The following CBLL1 variants were observed in gnomAD, a reference collection of about 807,000 sequenced individuals.
CBLL1 encodes Cbl proto-oncogene like 1, also known as E3 ubiquitin-protein ligase Hakai.
In CBLL1, 4 loss-of-function variants were observed where a neutral mutation model predicts 44.9. That is an observed-to-expected ratio of 0.09 (90% CI 0.04 to 0.20). CBLL1 has a LOEUF of 0.20. Among genes scored for constraint, CBLL1 ranks in the 10% least tolerant of loss-of-function variants. The pLI, the probability that CBLL1 is intolerant of heterozygous loss-of-function variation, is 1.00. For missense variants in CBLL1, 569 were observed against 636.7 expected (o/e 0.89, Z 1.14); for synonymous variants, 235 against 202.2 (o/e 1.16, Z -1.38).
In CBLL1 at chr7:107,758,400, C is replaced by T. The variant is rs140545696; in HGVS notation, c.698C>T (p.Pro233Leu). The stretch of plus-strand genomic sequence containing the variant: ...GACAAGCACCATATGAGCCATATTC[C>T]GCCAAAGCAGCACATCATGATGCCA... ...PPDKHHMSHI[P>L]PKQHIMMPPP... Residue 233 changes from proline (P) to leucine (L), a missense_variant, in exon 6 of 6, where the codon CCG (proline) becomes CTG (leucine). Pro to Leu is a moderately conservative substitution (Grantham distance 98). Coordinates refer to ENST00000440859, the MANE Select transcript of CBLL1 (RefSeq NM_024814.4). The surrounding 1 kb of genome is among the most constrained non-coding windows in gnomAD (Gnocchi z 4.2). 18 of 1,614,052 alleles carry T rather than the reference C, an allele frequency of 1.1e-5. No individual in the cohort carries two copies. Among genetic ancestry groups the T allele is most frequent in the Non-Finnish European group, 1.5e-5 (18 of 1,179,996 alleles).
chr7:107,755,927 AGG>A (rs1793507607), intron 5 of CBLL1, among the ~76,000 whole-genome samples: 1 of 152,074 alleles, frequency 6.6e-6, no homozygotes, highest in Non-Finnish European at 1.5e-5. Flanking sequence ...AGGTATTTTT[AGG>A]ATTAAATGAG....
chr7:107,750,422 C>G (rs183825509), intron 2 of CBLL1, among the ~76,000 whole-genome samples: 1 of 151,938 alleles, frequency 6.6e-6, no homozygotes, highest in Non-Finnish European at 1.5e-5. Context: ...TCTCCTGCCT[C>G]AGCCTCCCGA....
chr7:107,744,508 A>C (rs533618476), intron 1 of CBLL1: 12 of 342,774 alleles, frequency 3.5e-5, no homozygotes, highest in Non-Finnish European at 6.3e-5. Flanking sequence ...GGCCTACGTT[A>C]TGGAGACTGG....
chr7:107,746,094 G>A (rs1448167729), intron 1 of CBLL1, among the ~76,000 whole-genome samples: 1 of 152,166 alleles, frequency 6.6e-6, no homozygotes, highest in African/African-American at 2.4e-5. Context: ...CCAGTGTTTG[G>A]GAATTTATAG....
intron 2 of CBLL1, among the ~76,000 whole-genome samples, chr7:107,750,420 C>T (rs1396018731): frequency 1.3e-5 from 2 of 152,088 alleles, no homozygotes; most frequent in Non-Finnish European, 2.9e-5. Flanking sequence ...ATTCTCCTGC[C>T]TCAGCCTCCC....
chr7:107,748,993 C>T lies in CBLL1; in HGVS notation c.127C>T (p.Arg43Ter). 6.2e-7 allele frequency: 1 copy of T among 1,614,100 alleles called. No individual in the cohort carries two copies. The highest frequency in any genetic ancestry group is 8.5e-7 in the Non-Finnish European group (1 of 1,180,012). ...KQANKAKPAPRTQRTINRMPA... is the reference protein window; with the variant it reads ...KQANKAKPAP ...AGCAAACAAAGCGAAACCTGCACCG[C>T]GAACTCAAAGAACTATAAACAGGAT... Residue 43 changes from arginine to a stop codon, truncating the protein, a stop_gained, in exon 2 of 6, where the codon CGA becomes TGA. Transcript: ENST00000440859. LOFTEE classifies it high-confidence loss of function.
At chr7:107,748,006 T>G (rs1562859020) in intron 1 of CBLL1, among the ~76,000 whole-genome samples, 1 of 152,210 alleles carries the variant, frequency 6.6e-6, no homozygotes, top group African/African-American at 2.4e-5. Context: ...TCAAGTTAAA[T>G]ATTTTCTGTA....
rs1400497638 is a variant in CBLL1 at position 107,759,363 on chromosome 7, G to C, written c.*185G>C. The C allele has an allele frequency of 2.1e-5, 11 of 527,760 alleles. No homozygotes were observed. Among genetic ancestry groups the C allele is most frequent in the Non-Finnish European group, 3.6e-5 (11 of 303,944 alleles). 32.7% of individuals were successfully genotyped at this position (527,760 alleles called of 1,614,324 possible). A position where few individuals can be genotyped will look rare whatever the true frequency, so the allele number is the denominator to read the frequency against. On this transcript the variant is annotated 3_prime_UTR_variant, in exon 6 of 6. Coordinates refer to ENST00000440859, the MANE Select transcript of CBLL1 (RefSeq NM_024814.4). ...GATTGATTTCAAGTACCATACTGTA[G>C]TACAGATAAGTGGCTCAGTTGAGCA...
At chr7:107,746,857 TATCCCAGATTTTGTAAAAG>T (rs1204210939) in intron 1 of CBLL1, among the ~76,000 whole-genome samples, 5 of 152,360 alleles carry the variant, frequency 3.3e-5, no homozygotes, top group African/African-American at 7.2e-5. Context: ...TCTGTAACTG[TATCCCAGATTTTGTAAAAG>T]ATCCCAGATT....
At chr7:107,752,718 A>G (rs1793359566) in intron 2 of CBLL1, 2 of 427,906 alleles carry the variant, frequency 4.7e-6, no homozygotes, top group Non-Finnish European at 7.8e-6. Flanking sequence ...ATTAGGCCAG[A>G]GAAATTGAGC....
In CBLL1 at chr7:107,759,447, C is replaced by T. The variant is rs985626631; in HGVS notation, c.*269C>T. 3.2e-6 allele frequency: 1 copy of T among 310,540 alleles called. No individual in the cohort carries two copies. Among genetic ancestry groups the T allele is most frequent in the Admixed American group, 4.6e-5 (1 of 21,796 alleles). 19.2% of individuals were successfully genotyped at this position (310,540 alleles called of 1,614,324 possible). A position where few individuals can be genotyped will look rare whatever the true frequency, so the allele number is the denominator to read the frequency against. ...TTTAGTAAATTGACCCAGAGGTGACCATTTGTAAAAAATTTGAAAAAATTT... is the reference window on the plus strand; with the variant it reads ...TTTAGTAAATTGACCCAGAGGTGACTATTTGTAAAAAATTTGAAAAAATTT... On this transcript the variant is annotated 3_prime_UTR_variant, in exon 6 of 6. Transcript: ENST00000440859.
In CBLL1 at chr7:107,744,187, G is replaced by A. The variant is rs1215750276; in HGVS notation, c.13+11G>A. ...TCATGGATCACACTGGTAAGGAGGC[G>A]GAGGCAGTGGGGGTCCCGGTTCCAA... is the stretch of plus-strand genomic sequence containing the variant. On this transcript the variant is annotated intron_variant, in intron 1 of 5. Coordinates refer to ENST00000440859, the MANE Select transcript of CBLL1 (RefSeq NM_024814.4). The A allele has an allele frequency of 1.9e-6, 3 of 1,548,524 alleles. No homozygotes were observed. In the South Asian group the frequency reaches 3.6e-5, roughly 18 times the overall value.
intron 1 of CBLL1, 119 bp downstream of exon 1, chr7:107,744,295 GAAGAA>G: frequency 3.2e-6 from 4 of 1,244,850 alleles, no homozygotes; most frequent in Non-Finnish European, 4.3e-6. Context: ...GTGGCAGTGA[GAAGAA>G]ATCTCACAGA....
In CBLL1 at chr7:107,758,171, C is replaced by G; in HGVS notation, c.469C>G (p.Gln157Glu). ...GCSDPVQRIE[Q>E]CTRGSLFMCS... Reference sequence around the variant, plus strand: ...TAGTGATCCTGTGCAGCGAATTGAGCAGTGTACACGAGGTTCTCTCTTCAT... The same window carrying G: ...TAGTGATCCTGTGCAGCGAATTGAGGAGTGTACACGAGGTTCTCTCTTCAT... The change falls in exon 6 of 6, where the codon CAG (glutamine) becomes GAG (glutamate). Residue 157 changes from glutamine to glutamate, a missense_variant. Gln to Glu is a conservative substitution (Grantham distance 29). Transcript: ENST00000440859. This position sits in a 1 kb window ranked among gnomAD's most constrained non-coding sequence, Gnocchi z 4.2. The G allele has an allele frequency of 6.2e-7, 1 of 1,610,072 alleles. No individual in the cohort carries two copies. The highest frequency in any genetic ancestry group is 8.5e-7 in the Non-Finnish European group (1 of 1,176,928).
intron 5 of CBLL1, among the ~76,000 whole-genome samples, chr7:107,757,372 G>T (rs996359212): frequency 2.0e-5 from 3 of 152,070 alleles, no homozygotes; most frequent in Non-Finnish European, 4.4e-5. Context: ...TCAAATTACT[G>T]AGCCAATACC....
intron 1 of CBLL1, among the ~76,000 whole-genome samples, chr7:107,747,507 TTACA>T (rs2115594444): frequency 6.6e-6 from 1 of 152,330 alleles, no homozygotes; most frequent in Non-Finnish European, 1.5e-5. Flanking sequence ...GTAAGTACTT[TTACA>T]TACATAAGCA....
In CBLL1 at chr7:107,758,114, A is replaced by G; in HGVS notation, c.441-29A>G. The G allele has an allele frequency of 6.5e-7, 1 of 1,532,108 alleles. No individual in the cohort carries two copies. Among genetic ancestry groups the G allele is most frequent in the Non-Finnish European group, 8.8e-7 (1 of 1,138,540 alleles). The allele number at this position is 1,532,108 out of a possible 1,614,324, so 94.9% of individuals were successfully genotyped here. A position where few individuals can be genotyped will look rare whatever the true frequency, so the allele number is the denominator to read the frequency against. On this transcript the variant is annotated intron_variant, in intron 5 of 5. Transcript: ENST00000440859. This position sits in a 1 kb window ranked among gnomAD's most constrained non-coding sequence, Gnocchi z 4.2. ...ATAATTTTTTGTATTCTCTTTTAGTAAATCACATTTCTTTCCCTTCTAATT... is the reference window on the plus strand; with the variant it reads ...ATAATTTTTTGTATTCTCTTTTAGTGAATCACATTTCTTTCCCTTCTAATT...
rs1793417865 is a variant in CBLL1 at position 107,753,885 on chromosome 7, A to G, written c.283-10A>G. The G allele has an allele frequency of 2.6e-6, 4 of 1,539,416 alleles. No homozygotes were observed. The highest frequency in any genetic ancestry group is 1.4e-5 in the African/African-American group (1 of 72,426). On this transcript the variant is annotated splice_polypyrimidine_tract_variant and intron_variant, in intron 3 of 5. Coordinates refer to ENST00000440859, the MANE Select transcript of CBLL1 (RefSeq NM_024814.4). ...GTAAGAAGGTAATTTTAATTATATC[A>G]TTTCAACAGATAAACATCTTAGGTG...
chr7:107,753,534 G>A (rs1414744878), intron 3 of CBLL1, 23 bp downstream of exon 3: 2 of 1,332,474 alleles, frequency 1.5e-6, no homozygotes, highest in Non-Finnish European at 2.1e-6. Flanking sequence ...ATGAAAAATT[G>A]TATTATAACA....
Sources: gnomAD v4.1 joint callset for allele counts (sites outside exome capture counted in the v4.1 genomes callset) on GRCh38, gnomAD v4.1.1 for gene constraint, Gnocchi (gnomAD v3.1) non-coding constraint, MANE v1.5 for transcripts, NCBI Gene and HGNC (gene_info 2026-07-23, HGNC 2026-07-21) for gene names.